The following ABCC10 variants were observed in gnomAD, a reference collection of about 807,000 sequenced individuals.
The protein encoded by ABCC10 is ATP-binding cassette sub-family C member 10.
In ABCC10, 110 loss-of-function variants were observed where a neutral mutation model predicts 143.2. The observed-to-expected ratio is 0.77, with a 90% CI of 0.66 to 0.90. The LOEUF is 0.90. Among genes scored for constraint, ABCC10 ranks in the 40% least tolerant of loss-of-function variants. ABCC10 has a pLI of 0.00. For missense variants in ABCC10, 1,700 were observed against 1,900.5 expected (o/e 0.89, Z 1.96); for synonymous variants, 805 against 846.7 (o/e 0.95, Z 0.85).
chr6:43,441,864 C>T lies in ABCC10; in HGVS notation c.2130C>T (p.Ile710=). 6.2e-7 allele frequency: 1 copy of T among 1,612,926 alleles called. No individual in the cohort carries two copies. Among genetic ancestry groups the T allele is most frequent in the Non-Finnish European group, 8.5e-7 (1 of 1,179,508 alleles). The change falls in exon 9 of 22, where the codon ATC becomes ATT. Residue 710 remains isoleucine (I), a splice_region_variant and synonymous_variant. Transcript: ENST00000372530. ...CACTGGGGCACCTGTTCCATCAGATCCTGCCTGCTGGAGACCAGACAGAGG... is the reference window on the plus strand; with the variant it reads ...CACTGGGGCACCTGTTCCATCAGATTCTGCCTGCTGGAGACCAGACAGAGG... ...EACALNDDLS[I]LPAGDQTEVG...
chr6:43,432,987 TG>T lies in ABCC10; in HGVS notation c.1010del (p.Gly337ValfsTer15). 6.2e-7 allele frequency: 1 copy of T among 1,614,176 alleles called. No individual in the cohort carries two copies. Among genetic ancestry groups the T allele is most frequent in the Non-Finnish European group, 8.5e-7 (1 of 1,180,008 alleles). The stretch of plus-strand genomic sequence containing the variant: ...CTGGGGCTAGCCGGTGGGGCTGTGC[TG>T]GGTGCTGTGCTGCAGAATCAGTATG... ...YALGLAGGAV[L>X]GAVLQNQYGY... On this transcript the variant is annotated frameshift_variant, in exon 3 of 22. Transcript: ENST00000372530. LOFTEE classifies it high-confidence loss of function.
rs1177310899 is a variant in ABCC10, at chr6:43,445,257, A to G, written c.2973A>G (p.Ala991=). ...CTLLRAVLFA[A]GTLQAAATLH... ...TTCTCCGGGCAGTGCTCTTTGCAGC[A>G]GGCACCCTTCAAGCAGCTGCCACTC... The change falls in exon 14 of 22, where the codon GCA becomes GCG. Residue 991 remains alanine, a synonymous_variant. Coordinates refer to ENST00000372530, the MANE Select transcript of ABCC10 (RefSeq NM_001198934.2). 6.2e-7 allele frequency: 1 copy of G among 1,613,962 alleles called. No homozygotes were observed. The highest frequency in any genetic ancestry group is 2.2e-5 in the East Asian group (1 of 44,858).
chr6:43,428,163 A>G (rs1369038744), intron 2 of ABCC10, 24 bp downstream of exon 2: 2 of 1,509,698 alleles, frequency 1.3e-6, no homozygotes, highest in African/African-American at 1.4e-5. Context: ...GGCGCAAGGC[A>G]TCTGTCCATG....
chr6:43,446,781 G>A, intron 16 of ABCC10: 1 of 1,185,418 alleles, frequency 8.4e-7, no homozygotes, highest in Non-Finnish European at 1.0e-6. Context: ...CCCACCCCCT[G>A]CCCTGCATCT....
chr6:43,447,448 C>G (rs1436235313), intron 17 of ABCC10, 40 bp downstream of exon 17: 1 of 1,600,594 alleles, frequency 6.2e-7, no homozygotes, highest in Non-Finnish European at 8.5e-7. Context: ...GCTCTGGAAC[C>G]CTGAAGGCCC....
Position 43,445,738 on chromosome 6 carries a change from T to A in ABCC10, c.3170T>A (p.Leu1057Gln), listed in dbSNP as rs774021762. The A allele has an allele frequency of 1.4e-5, 22 of 1,614,042 alleles. No individual in the cohort carries two copies. The highest frequency in any genetic ancestry group is 5.9e-6 in the Non-Finnish European group (7 of 1,180,030). The change falls in exon 15 of 22, where the codon CTG (leucine) becomes CAG (glutamine). Residue 1057 changes from leucine (L) to glutamine (Q), a missense_variant. Physicochemically the swap from Leu to Gln is moderately radical, Grantham distance 113 (BLOSUM62 -2). Coordinates refer to ENST00000372530, the MANE Select transcript of ABCC10 (RefSeq NM_001198934.2). ...AACGCGGCAGGCCTGCTGGGGCTCC[T>A]GGCCGTGCTGGGCTCTGGCCTGCCC... Reference protein sequence around the residue: ...LANAAGLLGLLAVLGSGLPWL... With the variant: ...LANAAGLLGLQAVLGSGLPWL...
intron 9 of ABCC10, 123 bp from the exon 10 acceptor site, chr6:43,442,847 C>T (rs965144441): frequency 1.4e-4 from 119 of 865,624 alleles, no homozygotes; most frequent in African/African-American, 8.2e-4. Flanking sequence ...GGTCTCACCT[C>T]CTTCTCTGCT....
chr6:43,445,381 C>T (rs1782939352), intron 14 of ABCC10, 67 bp downstream of exon 14: 2 of 1,523,216 alleles, frequency 1.3e-6, no homozygotes, highest in Non-Finnish European at 1.8e-6. Flanking sequence ...CCTCCCAATA[C>T]TCGGGCTCCA....
chr6:43,451,302 T>A (rs768826944), downstream of ABCC10: 67 of 1,602,620 alleles, frequency 4.2e-5, no homozygotes, highest in Non-Finnish European at 5.6e-5. This position sits in a 1 kb window ranked among gnomAD's most constrained non-coding sequence, Gnocchi z 4.4. Context: ...GAGGACATGA[T>A]AACCAACTTA....
rs1205579104 is a variant in ABCC10 at position 43,446,878 on chromosome 6, C to T, written c.3545-370C>T. Reference sequence around the variant, plus strand: ...TGTTTTTTTTTTTGAGATGGAGTCTCGCTCTGTTGCCCAGGCTGGAGTGCA... The same window carrying T: ...TGTTTTTTTTTTTGAGATGGAGTCTTGCTCTGTTGCCCAGGCTGGAGTGCA... On this transcript the variant is annotated intron_variant, in intron 16 of 21. Coordinates refer to ENST00000372530, the MANE Select transcript of ABCC10 (RefSeq NM_001198934.2). 15 of 1,068,698 alleles carry T rather than the reference C, an allele frequency of 1.4e-5. No homozygotes were observed. The African/African-American group carries it at 2.2e-4, about 16-fold the overall frequency. The allele number at this position is 1,068,698 out of a possible 1,614,324, so 66.2% of individuals were successfully genotyped here.
At chr6:43,451,385 G>T, downstream of ABCC10, 1 of 1,350,686 alleles carries the variant, frequency 7.4e-7, no homozygotes. This position sits in a 1 kb window ranked among gnomAD's most constrained non-coding sequence, Gnocchi z 4.4. Flanking sequence ...TACACACTCC[G>T]AGCCTCAAAT....
chr6:43,441,080 G>A lies in ABCC10; in HGVS notation c.2128-782G>A, dbSNP rs1782400108. Among the ~76,000 whole-genome samples, 5 of 150,370 alleles carry A rather than the reference G, an allele frequency of 3.3e-5. No homozygotes were observed. The South Asian group carries it at 8.6e-4, about 26-fold the overall frequency. On this transcript the variant is annotated intron_variant, in intron 8 of 21. Transcript: ENST00000372530. ...ATCATGCCACTGCACTCCAGCCTGG[G>A]CGACAGAGCAAGACTCTGTCTCACA...
chr6:43,435,115 C>A, intron 4 of ABCC10: 1 of 421,088 alleles, frequency 2.4e-6, no homozygotes, highest in Non-Finnish European at 4.3e-6. Flanking sequence ...TCTTCATCCT[C>A]GTTCTAATGG....
chr6:43,441,792 G>T, intron 8 of ABCC10, 70 bp from the exon 9 acceptor site: 2 of 1,316,730 alleles, frequency 1.5e-6, no homozygotes, highest in Non-Finnish European at 2.1e-6. Context: ...ACTATCTCCT[G>T]CAAAGGGATA....
chr6:43,438,129 T>A (rs1781954958), intron 7 of ABCC10, 116 bp downstream of exon 7: 1 of 1,189,252 alleles, frequency 8.4e-7, no homozygotes, highest in Admixed American at 2.1e-5. Flanking sequence ...CAACGCATGG[T>A]CCCTTTATTG....
At position 43,445,719 on chromosome 6, in the gene ABCC10, GC is replaced by G; in HGVS notation, c.3152del (p.Ala1051GlufsTer24). 6.2e-7 allele frequency: 1 copy of G among 1,614,206 alleles called. No individual in the cohort carries two copies. The highest frequency in any genetic ancestry group is 8.5e-7 in the Non-Finnish European group (1 of 1,180,036). The part of the protein sequence containing the change: ...FILNILLANA[A>X]GLLGLLAVLG... ...CCTCAACATCCTCCTGGCCAACGCG[GC>G]AGGCCTGCTGGGGCTCCTGGCCGTG... On this transcript the variant is annotated frameshift_variant, in exon 15 of 22. Transcript: ENST00000372530. LOFTEE classifies it high-confidence loss of function.
chr6:43,437,469 A>G (rs1196376761), intron 6 of ABCC10, among the ~76,000 whole-genome samples: 1 of 150,870 alleles, frequency 6.6e-6, no homozygotes, highest in Non-Finnish European at 1.5e-5. Flanking sequence ...GTAAACAGAA[A>G]AATTTAAGCC....
At chr6:43,440,182 G>A (rs1365670966) in intron 8 of ABCC10, among the ~76,000 whole-genome samples, 1 of 148,980 alleles carries the variant, frequency 6.7e-6, no homozygotes, top group Admixed American at 6.7e-5. Context: ...GTCTCGAACT[G>A]TTGGGCTCAA....
chr6:43,438,264 C>T, intron 7 of ABCC10: 2 of 1,156,362 alleles, frequency 1.7e-6, no homozygotes, highest in Non-Finnish European at 2.4e-6. Context: ...GTCAGCTATT[C>T]TTTCAGAAAT....
Sources: gnomAD v4.1 joint callset for allele counts (sites outside exome capture counted in the v4.1 genomes callset) on GRCh38, gnomAD v4.1.1 for gene constraint, Gnocchi (gnomAD v3.1) non-coding constraint, MANE v1.5 for transcripts, NCBI Gene and HGNC (gene_info 2026-07-23, HGNC 2026-07-21) for gene names.